LINGO2: variants seen among roughly 807,000 people sequenced by gnomAD.
LINGO2 encodes leucine-rich repeat and immunoglobulin-like domain-containing nogo receptor-interacting protein 2.
In LINGO2, 14 loss-of-function variants were observed where a neutral mutation model predicts 30.6. The observed-to-expected ratio is 0.46, with a 90% CI of 0.30 to 0.72. LINGO2 has a LOEUF of 0.72. LINGO2 is among the 30% of genes least tolerant of loss of function. The pLI is 0.07. For synonymous variants in LINGO2, 317 were observed against 288.5 expected (o/e 1.10, Z -1.00); for missense variants, 729 against 751.7 (o/e 0.97, Z 0.35).
At chr9:29,148,490 T>C in the LINGO2 span, among the ~76,000 whole-genome samples, 1 of 152,188 alleles carries the variant, frequency 6.6e-6, no homozygotes, top group Non-Finnish European at 1.5e-5. Context: ...GTGGCCCCCC[T>C]ATAATCTGTT....
At chr9:28,990,326 C>G in the LINGO2 span, among the ~76,000 whole-genome samples, 1 of 152,210 alleles carries the variant, frequency 6.6e-6, no homozygotes, top group African/African-American at 2.4e-5. Context: ...TTGCCCAGAT[C>G]TGCTTAGGTA....
chr9:28,313,755 T>C (rs1824722401), intron 3 of LINGO2, among the ~76,000 whole-genome samples: 1 of 152,146 alleles, frequency 6.6e-6, no homozygotes, highest in African/African-American at 2.4e-5. Context: ...AAACTGGAAA[T>C]GGGAGTATGT....
intron 2 of LINGO2, among the ~76,000 whole-genome samples, chr9:28,428,569 G>C (rs1035521001): frequency 6.6e-6 from 1 of 152,084 alleles, no homozygotes; most frequent in Non-Finnish European, 1.5e-5. Flanking sequence ...GCAATGCAGC[G>C]GGGTTTTCAG....
chr9:28,644,906 G>T (rs1271392913), intron 1 of LINGO2, among the ~76,000 whole-genome samples: 1 of 151,748 alleles, frequency 6.6e-6, no homozygotes, highest in Non-Finnish European at 1.5e-5. Context: ...CATTTTAAAG[G>T]CTTCCTGATC....
the LINGO2 span, among the ~76,000 whole-genome samples, chr9:29,151,119 T>C: frequency 6.6e-6 from 1 of 151,294 alleles, no homozygotes; most frequent in East Asian, 1.9e-4. Context: ...AGCATTGTTA[T>C]GAAAAAAAAA....
At chr9:29,174,614 C>G in the LINGO2 span, among the ~76,000 whole-genome samples, 5 of 152,228 alleles carry the variant, frequency 3.3e-5, no homozygotes, top group East Asian at 1.9e-4. Flanking sequence ...CTTATGGGAA[C>G]AGAACCTATC....
chr9:28,190,752 C>A (rs1359292598), intron 4 of LINGO2, among the ~76,000 whole-genome samples: 1 of 152,092 alleles, frequency 6.6e-6, no homozygotes, highest in Non-Finnish European at 1.5e-5. Flanking sequence ...TTCTGTTCAT[C>A]CAATCTGCAG....
chr9:28,799,420 T>C, the LINGO2 span, among the ~76,000 whole-genome samples: 3 of 152,210 alleles, frequency 2.0e-5, no homozygotes, highest in African/African-American at 4.8e-5. Flanking sequence ...GGAGGATGCA[T>C]GGGAGGCTGT....
intron 4 of LINGO2, among the ~76,000 whole-genome samples, chr9:28,104,266 G>GTTTTTTTTTT (rs74180789): frequency 3.4e-4 from 33 of 97,460 alleles, no homozygotes; most frequent in African/African-American, 6.0e-4. Flanking sequence ...TTTTTTGTTT[G>GTTTTTTTTTT]TTTTTTTTTT....
chr9:28,793,450 T>G, the LINGO2 span, among the ~76,000 whole-genome samples: 1 of 152,314 alleles, frequency 6.6e-6, no homozygotes, highest in African/African-American at 2.4e-5. Context: ...CGGAGAGTTG[T>G]TATTTTATTC....
chr9:28,491,767 A>G (rs773790076), intron 1 of LINGO2, among the ~76,000 whole-genome samples: 20 of 152,194 alleles, frequency 1.3e-4, no homozygotes, highest in Non-Finnish European at 2.5e-4. Context: ...GCAGTTTATA[A>G]AACAGGCTCC....
intron 4 of LINGO2, among the ~76,000 whole-genome samples, chr9:28,171,386 A>AT (rs1828577400): frequency 6.6e-6 from 1 of 152,168 alleles, no homozygotes; most frequent in Non-Finnish European, 1.5e-5. Context: ...AACAGTTTTA[A>AT]TTACAACAAT....
chr9:29,036,742 A>G, the LINGO2 span, among the ~76,000 whole-genome samples: 1 of 152,016 alleles, frequency 6.6e-6, no homozygotes, highest in Admixed American at 6.6e-5. Context: ...GTTCAATGCT[A>G]CTACAGAAAG....
chr9:28,031,867 C>T (rs1211702803), intron 4 of LINGO2, among the ~76,000 whole-genome samples: 2 of 152,168 alleles, frequency 1.3e-5, no homozygotes, highest in Admixed American at 6.5e-5. Context: ...GGTAAAACCA[C>T]GCTTCACCAT....
chr9:28,918,673 C>T, the LINGO2 span, among the ~76,000 whole-genome samples: 4 of 152,172 alleles, frequency 2.6e-5, no homozygotes, highest in Non-Finnish European at 5.9e-5. Context: ...AGTGTCAATA[C>T]ACTTGAAAAC....
intron 1 of LINGO2, among the ~76,000 whole-genome samples, chr9:28,520,200 A>C (rs988083864): frequency 6.6e-6 from 1 of 152,166 alleles, no homozygotes; most frequent in Non-Finnish European, 1.5e-5. Flanking sequence ...CTTCAGTAGA[A>C]TACTGAGTAG....
At chr9:29,042,531 A>G in the LINGO2 span, among the ~76,000 whole-genome samples, 1 of 152,048 alleles carries the variant, frequency 6.6e-6, no homozygotes, top group Non-Finnish European at 1.5e-5. Context: ...ATAAAATACA[A>G]GAAACACAAT....
At chr9:29,009,864 G>A in the LINGO2 span, among the ~76,000 whole-genome samples, 16 of 152,248 alleles carry the variant, frequency 1.1e-4, no homozygotes, top group South Asian at 3.1e-3. Context: ...AGAGCACTCA[G>A]AAATAATACC....
the LINGO2 span, among the ~76,000 whole-genome samples, chr9:29,063,364 C>A: frequency 6.6e-6 from 1 of 151,126 alleles, no homozygotes; most frequent in Non-Finnish European, 1.5e-5. Flanking sequence ...AGCAACAGTT[C>A]TTCAGTGAGA....
Sources: allele counts gnomAD v4.1 joint callset (sites outside exome capture counted in the v4.1 genomes callset), GRCh38; gene constraint gnomAD v4.1.1; transcripts MANE v1.5; gene names NCBI Gene and HGNC (gene_info 2026-07-23, HGNC 2026-07-21).